The following DIAPH3 variants were observed in gnomAD, a reference collection of about 807,000 sequenced individuals.
The protein encoded by DIAPH3 is diaphanous related formin 3, also known as protein diaphanous homolog 3.
Under a neutral mutation model 144.3 loss-of-function variants are expected in DIAPH3, and 117 were observed. The observed-to-expected ratio is 0.81, with a 90% CI of 0.70 to 0.95. The LOEUF (loss-of-function observed/expected upper bound fraction) is 0.95. Among genes scored for constraint, DIAPH3 ranks in the 40% least tolerant of loss-of-function variants. DIAPH3 has a pLI of 0.00. For synonymous variants in DIAPH3, 519 were observed against 488.9 expected (o/e 1.06, Z -0.81); for missense variants, 1,421 against 1,412.7 (o/e 1.01, Z -0.09).
chr13:60,128,212 C>T (rs891205414), intron 2 of DIAPH3, among the ~76,000 whole-genome samples: 1 of 152,114 alleles, frequency 6.6e-6, no homozygotes, highest in African/African-American at 2.4e-5. Context: ...CCTCCAGCTC[C>T]ATCCATGTTC....
chr13:59,826,029 C>T (rs1432024758), intron 24 of DIAPH3, among the ~76,000 whole-genome samples: 3 of 152,010 alleles, frequency 2.0e-5, no homozygotes, highest in Admixed American at 6.6e-5. Flanking sequence ...TGGGACATAT[C>T]TCAAAATAAT....
intron 17 of DIAPH3, among the ~76,000 whole-genome samples, chr13:59,954,280 G>A (rs1401003404): frequency 6.6e-6 from 1 of 152,180 alleles, no homozygotes; most frequent in Non-Finnish European, 1.5e-5. Flanking sequence ...AATTACAAAT[G>A]TGAGGACTGG....
intron 4 of DIAPH3, among the ~76,000 whole-genome samples, chr13:60,077,447 T>TA (rs900427533): frequency 7.9e-4 from 120 of 152,188 alleles, no homozygotes; most frequent in African/African-American, 2.8e-3. Flanking sequence ...AGCCTCCCAG[T>TA]AAAATGACCC....
intron 20 of DIAPH3, among the ~76,000 whole-genome samples, chr13:59,904,311 G>A (rs894428317): frequency 6.6e-6 from 1 of 152,056 alleles, no homozygotes; most frequent in African/African-American, 2.4e-5. Context: ...GGGGTAATGG[G>A]TATCTTCATT....
intron 27 of DIAPH3, among the ~76,000 whole-genome samples, chr13:59,768,284 C>T (rs1380322944): frequency 6.6e-6 from 1 of 152,026 alleles, no homozygotes; most frequent in East Asian, 1.9e-4. Context: ...ACAAAAAATA[C>T]TCTCAAAAAA....
intron 4 of DIAPH3, among the ~76,000 whole-genome samples, chr13:60,083,687 T>C (rs2057641426): frequency 6.6e-6 from 1 of 152,048 alleles, no homozygotes; most frequent in Non-Finnish European, 1.5e-5. Context: ...CATGGATCTA[T>C]CACTTGCTTC....
chr13:60,112,543 T>G (rs976286122), intron 2 of DIAPH3, among the ~76,000 whole-genome samples: 6 of 152,168 alleles, frequency 3.9e-5, no homozygotes, highest in Non-Finnish European at 7.4e-5. Flanking sequence ...AAACTAGTAC[T>G]CACTGTCCCA....
chr13:59,685,024 A>G (rs761381422), intron 27 of DIAPH3, among the ~76,000 whole-genome samples: 7 of 152,146 alleles, frequency 4.6e-5, no homozygotes, highest in Non-Finnish European at 1.0e-4. Flanking sequence ...ATAACCTGAC[A>G]GCTTTCTCTT....
intron 27 of DIAPH3, among the ~76,000 whole-genome samples, chr13:59,675,448 G>GA (rs2032597058): frequency 6.6e-6 from 1 of 150,454 alleles, no homozygotes; most frequent in Non-Finnish European, 1.5e-5. Flanking sequence ...GCAGTGGCAC[G>GA]ATCTCGGCTC....
intron 3 of DIAPH3, among the ~76,000 whole-genome samples, chr13:60,100,297 T>C (rs985766550): frequency 1.3e-5 from 2 of 151,766 alleles, no homozygotes; most frequent in African/African-American, 2.4e-5. Flanking sequence ...CCAAAATAGA[T>C]CTCAATCTAA....
intron 4 of DIAPH3, among the ~76,000 whole-genome samples, chr13:60,069,991 C>T (rs763267434): frequency 2.0e-5 from 3 of 151,904 alleles, no homozygotes; most frequent in African/African-American, 4.8e-5. Context: ...TTATAGAATA[C>T]ATTTTTTTTT....
chr13:59,791,186 T>A (rs779395159), intron 25 of DIAPH3, among the ~76,000 whole-genome samples: 1 of 152,156 alleles, frequency 6.6e-6, no homozygotes, highest in Non-Finnish European at 1.5e-5. Context: ...CTCAGGATGG[T>A]CTCAAACTCC....
intron 20 of DIAPH3, among the ~76,000 whole-genome samples, chr13:59,902,976 G>A (rs966908248): frequency 3.9e-5 from 6 of 152,188 alleles, no homozygotes; most frequent in African/African-American, 1.4e-4. Context: ...CATAGAACTT[G>A]AGGGACCTTG....
chr13:60,119,518 C>T (rs1202559251), intron 2 of DIAPH3, among the ~76,000 whole-genome samples: 8 of 151,820 alleles, frequency 5.3e-5, no homozygotes, highest in East Asian at 3.9e-4. Context: ...GAGGCCGAGG[C>T]GGGTGGATCA....
At chr13:60,018,743 G>GC (rs1282983716) in intron 5 of DIAPH3, among the ~76,000 whole-genome samples, 1 of 152,076 alleles carries the variant, frequency 6.6e-6, no homozygotes, top group Non-Finnish European at 1.5e-5. Flanking sequence ...TGAGAGTTGG[G>GC]CAATGGCCTT....
intron 2 of DIAPH3, among the ~76,000 whole-genome samples, chr13:60,121,169 T>C (rs1470898582): frequency 6.6e-6 from 1 of 152,132 alleles, no homozygotes; most frequent in Non-Finnish European, 1.5e-5. Context: ...TGAAAATATC[T>C]GATTTCTGTT....
intron 17 of DIAPH3, among the ~76,000 whole-genome samples, chr13:59,958,309 C>T (rs2140480465): frequency 6.6e-6 from 1 of 152,192 alleles, no homozygotes; most frequent in South Asian, 2.1e-4. Flanking sequence ...GCCAGAGTCT[C>T]TATCACATGA....
intron 21 of DIAPH3, 128 bp from the exon 22 acceptor site, chr13:59,861,664 T>A: frequency 1.9e-6 from 2 of 1,040,254 alleles, no homozygotes; most frequent in East Asian, 2.6e-5. Context: ...GATTTCGTTT[T>A]TGAAAAACAA....
intron 4 of DIAPH3, among the ~76,000 whole-genome samples, chr13:60,091,903 T>C (rs944126199): frequency 5.9e-5 from 9 of 151,706 alleles, no homozygotes; most frequent in Non-Finnish European, 8.8e-5. Flanking sequence ...AGTACAGTGA[T>C]GTGATCGAAG....
Sources: gnomAD v4.1 joint callset for allele counts (sites outside exome capture counted in the v4.1 genomes callset) on GRCh38, gnomAD v4.1.1 for gene constraint, MANE v1.5 for transcripts, NCBI Gene and HGNC (gene_info 2026-07-23, HGNC 2026-07-21) for gene names.